Variants in FAAH2 observed in about 807,000 individuals in gnomAD.
FAAH2 encodes fatty-acid amide hydrolase 2.
Under a neutral mutation model 36.9 loss-of-function variants are expected in FAAH2, and 60 were observed. That is an observed-to-expected ratio of 1.63 (90% confidence interval 1.32 to 2.02). FAAH2 has a LOEUF of 2.02. Ranked by LOEUF, FAAH2 falls within the 30% of genes most tolerant of loss-of-function variation. The probability of loss-of-function intolerance (pLI) is 0.00; values close to 1 mark genes in which losing one functional copy is unlikely to be tolerated. For synonymous variants in FAAH2, 214 were observed against 143.8 expected (o/e 1.49, Z -3.49); for missense variants, 689 against 397.5 (o/e 1.73, Z -6.23).
chrX:57,308,037 T>C (rs2052591824), intron 2 of FAAH2, among the ~76,000 whole-genome samples: 1 of 111,929 alleles, frequency 8.9e-6, no homozygotes, highest in African/African-American at 3.2e-5. Context: ...CTTTATCCAA[T>C]CCACCATTGA....
chrX:57,149,479 G>T, the FAAH2 span, among the ~76,000 whole-genome samples: 2 of 111,632 alleles, frequency 1.8e-5, no homozygotes, highest in Non-Finnish European at 3.8e-5. Flanking sequence ...TCCTGGTTTA[G>T]TCTTGGGAGG....
At chrX:57,281,069 G>T in the FAAH2 span, among the ~76,000 whole-genome samples, 1 of 111,612 alleles carries the variant, frequency 9.0e-6, no homozygotes, top group South Asian at 3.8e-4. Context: ...ATAATGAGGG[G>T]ATTGGGCAGT....
chrX:57,157,912 A>C, the FAAH2 span, among the ~76,000 whole-genome samples: 3 of 109,852 alleles, frequency 2.7e-5, no homozygotes, highest in Non-Finnish European at 5.7e-5. Flanking sequence ...GGTTTGTTAC[A>C]TATTTATACA....
chrX:57,285,666 C>T (rs896558812), upstream of FAAH2, among the ~76,000 whole-genome samples: 8 of 111,230 alleles, frequency 7.2e-5, no homozygotes, highest in African/African-American at 2.0e-4. Flanking sequence ...AGAGAACTTT[C>T]GGATAGTTGT....
chrX:57,388,056 A>T (rs2055070097), intron 7 of FAAH2, among the ~76,000 whole-genome samples: 1 of 111,343 alleles, frequency 9.0e-6, no homozygotes, highest in Admixed American at 9.6e-5. Context: ...AAGTTGAGAA[A>T]ATGATGTTAA....
intron 5 of FAAH2, among the ~76,000 whole-genome samples, chrX:57,376,203 C>G (rs2054672263): frequency 9.0e-6 from 1 of 110,940 alleles, no homozygotes. Context: ...TTTTTTCTCC[C>G]TTTTTCTTGA....
At position 57,307,799 on chromosome X, in the gene FAAH2, A is replaced by G. The variant is rs950989507; in HGVS notation, c.276-2794A>G. On this transcript the variant is annotated intron_variant, in intron 2 of 10. Coordinates refer to ENST00000374900, the MANE Select transcript of FAAH2 (RefSeq NM_174912.4). ...CTTTCCCTCGCTCACACACTTCCGC[A>G]TCTGTTAGTCCCCAGTGTCTATTGT... Among the ~76,000 whole-genome samples the G allele has an allele frequency of 7.2e-5, 8 of 110,850 alleles. 1 individual carries two copies. The East Asian group carries it at 2.3e-3, about 32-fold the overall frequency.
At chrX:57,403,277 G>A (rs941284486) in intron 7 of FAAH2, among the ~76,000 whole-genome samples, 1 of 112,208 alleles carries the variant, frequency 8.9e-6, no homozygotes, top group Admixed American at 9.4e-5. Flanking sequence ...GTCCTCTGTG[G>A]TCCTAATGCT....
the FAAH2 span, among the ~76,000 whole-genome samples, chrX:57,265,511 G>T: frequency 9.0e-6 from 1 of 111,434 alleles, no homozygotes; most frequent in Non-Finnish European, 1.9e-5. Flanking sequence ...GCTTTGGAGA[G>T]TCCAAACCAA....
chrX:57,157,738 T>A, the FAAH2 span, among the ~76,000 whole-genome samples: 1 of 112,135 alleles, frequency 8.9e-6, no homozygotes, highest in East Asian at 2.8e-4. Flanking sequence ...TACTTGTTTA[T>A]TTTGGTGTTC....
chrX:57,139,894 G>A, the FAAH2 span, among the ~76,000 whole-genome samples: 2 of 111,997 alleles, frequency 1.8e-5, no homozygotes, highest in South Asian at 7.4e-4. Context: ...TTTCCATAAA[G>A]AATGTCTTTG....
chrX:57,150,912 C>A, the FAAH2 span, among the ~76,000 whole-genome samples: 2 of 112,179 alleles, frequency 1.8e-5, no homozygotes, highest in African/African-American at 3.2e-5. Context: ...ATGTTCCTTT[C>A]CATGTTTAGT....
At chrX:57,306,988 C>CAGATATATATATATATAT (rs1339824539) in intron 2 of FAAH2, among the ~76,000 whole-genome samples, 13 of 10,231 alleles carry the variant, frequency 1.3e-3, no homozygotes, top group Non-Finnish European at 1.5e-3. Context: ...CACACACACA[C>CAGATATATATATATATAT]ACACAGATAC....
At chrX:57,338,342 T>C (rs1391873768) in intron 4 of FAAH2, among the ~76,000 whole-genome samples, 1 of 111,781 alleles carries the variant, frequency 8.9e-6, no homozygotes, top group Non-Finnish European at 1.9e-5. Context: ...ATGTAATCAC[T>C]TAAGGCAAGG....
At chrX:57,228,167 G>A in the FAAH2 span, among the ~76,000 whole-genome samples, 3 of 111,897 alleles carry the variant, frequency 2.7e-5, no homozygotes, top group Non-Finnish European at 3.8e-5. Context: ...GAGACTTCTC[G>A]CCCTGTTCAA....
chrX:57,468,868 A>G (rs1440150872), intron 10 of FAAH2, among the ~76,000 whole-genome samples: 2 of 111,903 alleles, frequency 1.8e-5, no homozygotes, highest in South Asian at 3.7e-4. Flanking sequence ...GTTACCCACA[A>G]AAGAAAGCCC....
chrX:57,414,308 C>T (rs1016397579), intron 7 of FAAH2, among the ~76,000 whole-genome samples: 1 of 111,851 alleles, frequency 8.9e-6, no homozygotes, highest in Non-Finnish European at 1.9e-5. Flanking sequence ...ATAAATGCTT[C>T]CAGCTTTTGC....
chrX:57,302,921 C>T (rs948691797), intron 2 of FAAH2, among the ~76,000 whole-genome samples: 1 of 110,851 alleles, frequency 9.0e-6, no homozygotes, highest in African/African-American at 3.3e-5. Context: ...TGAGGATTTC[C>T]TTGGTCTCAG....
chrX:57,396,016 A>G (rs2055286883), intron 7 of FAAH2, among the ~76,000 whole-genome samples: 1 of 111,795 alleles, frequency 8.9e-6, no homozygotes, highest in Non-Finnish European at 1.9e-5. Flanking sequence ...ATTCAAATTC[A>G]TTACTTGTTA....
Sources: allele counts gnomAD v4.1 joint callset (sites outside exome capture counted in the v4.1 genomes callset), GRCh38; gene constraint gnomAD v4.1.1; transcripts MANE v1.5; gene names NCBI Gene and HGNC (gene_info 2026-07-23, HGNC 2026-07-21).